The following FBXL19 variants were observed in gnomAD, a reference collection of about 807,000 sequenced individuals.
FBXL19 encodes the protein F-box and leucine rich repeat protein 19, also known as F-box/LRR-repeat protein 19.
In FBXL19, 16 loss-of-function variants were observed where a neutral mutation model predicts 71.2. That is an observed-to-expected ratio of 0.22 (90% CI 0.15 to 0.34). The LOEUF (loss-of-function observed/expected upper bound fraction) is 0.34. Among genes scored for constraint, FBXL19 ranks in the 10% least tolerant of loss-of-function variants. FBXL19 has a pLI of 1.00. For missense variants in FBXL19, 658 were observed against 968.2 expected, an observed-to-expected ratio of 0.68 and a Z score of 4.25; for synonymous variants, 447 against 409.4, an observed-to-expected ratio of 1.09 and a Z score of -1.11.
Position 30,925,927 on chromosome 16 carries a change from C to T in FBXL19, c.173C>T (p.Thr58Ile). Residue 58 changes from threonine to isoleucine, a missense_variant, in exon 2 of 11, where the codon ACT becomes ATT. By Grantham distance (89) the Thr-to-Ile change is moderately conservative (BLOSUM62 -1). Around this residue, in one of 8 missense-constraint regions of FBXL19, gnomAD observed 447 missense variants for 515.4 expected, o/e 0.87. Transcript: ENST00000338343. This position sits in a 1 kb window ranked among gnomAD's most constrained non-coding sequence, Gnocchi z 5.0. ...MKQSCLLRQCTAPVLPHTAVC... is the reference protein window; with the variant it reads ...MKQSCLLRQCIAPVLPHTAVC... ...CAGTCGTGCCTGCTCCGGCAGTGCA[C>T]TGCCGTGAGTTCTGCCCCCACCTTT... The T allele has an allele frequency of 6.7e-7, 1 of 1,489,338 alleles. No homozygotes were observed. Among genetic ancestry groups the T allele is most frequent in the Non-Finnish European group, 8.9e-7 (1 of 1,125,566 alleles). The allele number at this position is 1,489,338 out of a possible 1,614,324, so 92.3% of individuals were successfully genotyped here. A position where few individuals can be genotyped will look rare whatever the true frequency, so the allele number is the denominator to read the frequency against.
rs1478244154 is a variant in FBXL19, at chr16:30,946,541, C to T, written c.1628-189C>T. Reference sequence around the variant, plus strand: ...TCTCAAATACAATAATCATGGAAGGCCTCCGAGGAGGTGATGTGAGGAGTG... The same window carrying T: ...TCTCAAATACAATAATCATGGAAGGTCTCCGAGGAGGTGATGTGAGGAGTG... On this transcript the variant is annotated intron_variant, in intron 9 of 10. Coordinates refer to ENST00000338343, the MANE Select transcript of FBXL19 (RefSeq NM_001382779.1). This position sits in a 1 kb window ranked among gnomAD's most constrained non-coding sequence, Gnocchi z 6.7. 6.6e-6 allele frequency among the ~76,000 whole-genome samples: 1 copy of T among 152,192 alleles called. No homozygotes were observed. The highest frequency in any genetic ancestry group is 1.9e-4 in the East Asian group (1 of 5,194).
At position 30,948,018 on chromosome 16, in the gene FBXL19, G is replaced by C. The variant is rs2055881711; in HGVS notation, c.*788G>C. On this transcript the variant is annotated 3_prime_UTR_variant, in exon 11 of 11. Transcript: ENST00000338343. ...CCGCACAATACTTGAACATTCATCT[G>C]TACTGAAGTGTTACTTGAACCGGGG... 1 of 307,222 alleles carries C rather than the reference G, an allele frequency of 3.3e-6. No homozygotes were observed. Among genetic ancestry groups the C allele is most frequent in the Non-Finnish European group, 6.5e-6 (1 of 153,040 alleles). The allele number at this position is 307,222 out of a possible 1,614,324, so 19.0% of individuals were successfully genotyped here.
rs1382098167 is a variant in FBXL19 at position 30,924,734 on chromosome 16, T to C, written c.-25+275T>C. ...CTGGAGGGCCCCTTAGCCCCATGGA[T>C]GGGTATGAAAGTCCCCGGAAAGGGG... On this transcript the variant is annotated intron_variant, in intron 1 of 10. Transcript: ENST00000338343. The C allele has an allele frequency of 2.7e-6, 4 of 1,498,276 alleles. No homozygotes were observed. The African/African-American group carries it at 5.9e-5, about 22-fold the overall frequency. 92.8% of individuals were successfully genotyped at this position (1,498,276 alleles called of 1,614,324 possible).
In FBXL19 at chr16:30,948,535, T is replaced by G. The variant is rs2055893057; in HGVS notation, c.*1305T>G. 1 of 123,670 alleles carries G rather than the reference T, an allele frequency of 8.1e-6. No individual in the cohort carries two copies. The highest frequency in any genetic ancestry group is 2.7e-4 in the South Asian group (1 of 3,758). The allele number at this position is 123,670 out of a possible 1,614,324, so 7.7% of individuals were successfully genotyped here. On this transcript the variant is annotated 3_prime_UTR_variant, in exon 11 of 11. Coordinates refer to ENST00000338343, the MANE Select transcript of FBXL19 (RefSeq NM_001382779.1). ...GCCTCCGGGGGGCCGGGGCTTACCA[T>G]GTAGGGGAGGGGAGATCTATCCACA... is the stretch of plus-strand genomic sequence containing the variant.
At chr16:30,923,042 T>G (rs1431434380), upstream of FBXL19, 1 of 456,826 alleles carries the variant, frequency 2.2e-6, no homozygotes, top group South Asian at 1.5e-5. Context: ...CAGGTGTATG[T>G]CCCTCTTCCG....
At chr16:30,943,258 G>A (rs747429879) in intron 9 of FBXL19, among the ~76,000 whole-genome samples, 3 of 152,014 alleles carry the variant, frequency 2.0e-5, no homozygotes, top group East Asian at 1.9e-4. Context: ...GCAAGATCTC[G>A]GCTTACTGCA....
intron 9 of FBXL19, among the ~76,000 whole-genome samples, chr16:30,943,058 A>G (rs1223281511): frequency 6.6e-6 from 1 of 152,250 alleles, no homozygotes; most frequent in East Asian, 1.9e-4. Context: ...GTCCCCCAGC[A>G]CGTTCTCAGT....
upstream of FBXL19, chr16:30,923,081 T>TCA (rs2055541651): frequency 2.2e-6 from 1 of 456,618 alleles, no homozygotes; most frequent in African/African-American, 2.0e-5. Flanking sequence ...TCTTTCCTTT[T>TCA]CACCTTTCCA....
At chr16:30,936,435 A>ATT (rs1174123411) in intron 7 of FBXL19, among the ~76,000 whole-genome samples, 17 of 131,472 alleles carry the variant, frequency 1.3e-4, no homozygotes, top group African/African-American at 1.7e-4. Context: ...TCTGGGCCTC[A>ATT]TTTTTTTTTT....
intron 1 of FBXL19, 181 bp downstream of exon 1, chr16:30,924,640 C>T (rs927698799): frequency 6.1e-5 from 85 of 1,392,506 alleles, no homozygotes; most frequent in Admixed American, 7.9e-5. Context: ...CCTTCCTAGA[C>T]CCTGCTTCCC....
At chr16:30,938,193 G>A (rs540452544) in intron 7 of FBXL19, among the ~76,000 whole-genome samples, 1 of 152,134 alleles carries the variant, frequency 6.6e-6, no homozygotes, top group Admixed American at 6.6e-5. Flanking sequence ...CTGAAGCCTT[G>A]GTGTCTGTGC....
chr16:30,937,416 G>T (rs920968341), intron 7 of FBXL19, among the ~76,000 whole-genome samples: 10 of 152,014 alleles, frequency 6.6e-5, no homozygotes, highest in Admixed American at 2.6e-4. Flanking sequence ...CTCTTACCAT[G>T]CCCCTTGTCA....
intron 9 of FBXL19, among the ~76,000 whole-genome samples, chr16:30,945,785 G>A (rs1472924754): frequency 6.7e-6 from 1 of 148,378 alleles, no homozygotes; most frequent in Non-Finnish European, 1.5e-5. Flanking sequence ...GGTTGAGGCT[G>A]CAGTAAGCTG....
rs1424603561 is a variant in FBXL19, at chr16:30,925,322, TG to T, written c.-24-405del. ...TGGGCAGTTTACCCCAGATTGAGGTTGGGGAGAGCCTGGGATATTCTACACT... is the reference window on the plus strand; with the variant it reads ...TGGGCAGTTTACCCCAGATTGAGGTTGGGAGAGCCTGGGATATTCTACACT... On this transcript the variant is annotated intron_variant, in intron 1 of 10. Coordinates refer to ENST00000338343, the MANE Select transcript of FBXL19 (RefSeq NM_001382779.1). The surrounding 1 kb of genome is among the most constrained non-coding windows in gnomAD (Gnocchi z 5.0). Among the ~76,000 whole-genome samples, 1 of 151,876 alleles carries T rather than the reference TG, an allele frequency of 6.6e-6. No individual in the cohort carries two copies. The highest frequency in any genetic ancestry group is 1.9e-4 in the East Asian group (1 of 5,162).
At chr16:30,936,896 C>T (rs537093789) in intron 7 of FBXL19, among the ~76,000 whole-genome samples, 34 of 151,668 alleles carry the variant, frequency 2.2e-4, no homozygotes, top group Non-Finnish European at 2.5e-4. Context: ...GCGCGTGCCA[C>T]CACACCCAGC....
At chr16:30,939,747 A>G (rs1170543976) in intron 7 of FBXL19, among the ~76,000 whole-genome samples, 1 of 151,972 alleles carries the variant, frequency 6.6e-6, no homozygotes, top group East Asian at 1.9e-4. Flanking sequence ...CAAAGAGGAG[A>G]TGATTCAAAG....
rs1363870852 is a variant in FBXL19 at position 30,947,775 on chromosome 16, G to C, written c.*545G>C. The C allele has an allele frequency of 2.4e-6, 1 of 411,486 alleles. No homozygotes were observed. The highest frequency in any genetic ancestry group is 3.0e-5 in the Admixed American group (1 of 33,460). The allele number at this position is 411,486 out of a possible 1,614,324, so 25.5% of individuals were successfully genotyped here. ...AGGGGCAAGCTGGGGCTGAGCTGGA[G>C]GTGGGGATGAGAGCAGGTGTGGGGA... On this transcript the variant is annotated 3_prime_UTR_variant, in exon 11 of 11. Coordinates refer to ENST00000338343, the MANE Select transcript of FBXL19 (RefSeq NM_001382779.1).
chr16:30,945,321 G>C (rs74998771), intron 9 of FBXL19, among the ~76,000 whole-genome samples: 1 of 152,038 alleles, frequency 6.6e-6, no homozygotes, highest in Non-Finnish European at 1.5e-5. Context: ...TTAAAGTGTG[G>C]TCGGGGGACC....
Position 30,927,950 on chromosome 16 carries a change from C to A in FBXL19, c.614C>A (p.Thr205Asn). 1 of 1,525,960 alleles carries A rather than the reference C, an allele frequency of 6.6e-7. No individual in the cohort carries two copies. Among genetic ancestry groups the A allele is most frequent in the East Asian group, 2.3e-5 (1 of 43,332 alleles). The allele number at this position is 1,525,960 out of a possible 1,614,324, so 94.5% of individuals were successfully genotyped here. A position where few individuals can be genotyped will look rare whatever the true frequency, so the allele number is the denominator to read the frequency against. Residue 205 changes from threonine to asparagine, a missense_variant, in exon 5 of 11, where the codon ACC (threonine) becomes AAC (asparagine). By Grantham distance (65) the Thr-to-Asn change is moderately conservative (BLOSUM62 0). Coordinates refer to ENST00000338343, the MANE Select transcript of FBXL19 (RefSeq NM_001382779.1). Reference sequence around the variant, plus strand: ...AGGGAGGCAGGGAATGAGCCTCCCACCCCAAGGAAAAAGGTGAGCCACGGA... The same window carrying A: ...AGGGAGGCAGGGAATGAGCCTCCCAACCCAAGGAAAAAGGTGAGCCACGGA... ...KEREAGNEPP[T>N]PRKKVKGGRE...
Sources: allele counts gnomAD v4.1 joint callset (sites outside exome capture counted in the v4.1 genomes callset), GRCh38; gene constraint gnomAD v4.1.1; regional missense constraint gnomAD v4.1.1; non-coding constraint Gnocchi (gnomAD v3.1); transcripts MANE v1.5; gene names NCBI Gene and HGNC (gene_info 2026-07-23, HGNC 2026-07-21).